Variants in SCAF4 observed in about 807,000 individuals in gnomAD.
The protein encoded by SCAF4 is SR-related and CTD-associated factor 4.
Under a neutral mutation model 129.8 loss-of-function variants are expected in SCAF4, and 25 were observed. The ratio of observed to expected loss-of-function variants is 0.19; its 90% CI spans 0.14 to 0.27. The LOEUF is 0.27. Among genes scored for constraint, SCAF4 ranks in the 10% least tolerant of loss-of-function variants. The pLI is 1.00. For synonymous variants in SCAF4, 551 were observed against 497.7 expected (o/e 1.11, Z -1.43); for missense variants, 1,246 against 1,457.1 (o/e 0.86, Z 2.36).
At chr21:31,689,798 G>A (rs916117856) in intron 15 of SCAF4, among the ~76,000 whole-genome samples, 4 of 151,774 alleles carry the variant, frequency 2.6e-5, no homozygotes, top group South Asian at 2.1e-4. Context: ...AGCATGGCAC[G>A]GTGGCACGCG....
intron 1 of SCAF4, among the ~76,000 whole-genome samples, chr21:31,722,908 G>C (rs2051105271): frequency 6.6e-6 from 1 of 152,112 alleles, no homozygotes; most frequent in Non-Finnish European, 1.5e-5. Context: ...AGCTGCGATT[G>C]CGCCACTGTA....
chr21:31,725,543 A>AT (rs1005108175), intron 1 of SCAF4, among the ~76,000 whole-genome samples: 24 of 152,084 alleles, frequency 1.6e-4, no homozygotes, highest in African/African-American at 4.1e-4. Flanking sequence ...AAGTACTCGC[A>AT]TTTTTTTTCT....
rs142149192 is a variant in SCAF4, at chr21:31,692,382, G to A, written c.1581C>T (p.Leu527=). The A allele has an allele frequency of 5.6e-6, 9 of 1,613,832 alleles. No individual in the cohort carries two copies. The African/African-American group carries it at 1.1e-4, about 19-fold the overall frequency. Residue 527 remains leucine (L), a synonymous_variant, in exon 13 of 20, where the codon CTC becomes CTT. Coordinates refer to ENST00000286835, the MANE Select transcript of SCAF4 (RefSeq NM_020706.2). ...ATTCAATTGGACCAAACTCTTCCAA[G>A]AGACTGGCAACATCCTGCTGAGTAG... ...KRTTQQDVAS[L]LEEFGPIESI... is the part of the protein sequence containing the mutation.
At position 31,688,345 on chromosome 21, in the gene SCAF4, T is replaced by C; in HGVS notation, c.2005A>G (p.Ile669Val). The change falls in exon 16 of 20, where the codon ATT becomes GTT. Residue 669 changes from isoleucine to valine, a missense_variant. Physicochemically the swap from Ile to Val is conservative, Grantham distance 29 (BLOSUM62 3). This residue lies in a region of SCAF4 where 468 missense variants were observed against 605.5 expected (regional missense o/e 0.77). Coordinates refer to ENST00000286835, the MANE Select transcript of SCAF4 (RefSeq NM_020706.2). ...ACTGTTATAGGTGCAGGAACAGGAA[T>C]AGGAGGGACAGGCACAGGTAATGGT... ...PKPLPVPVPPIPVPAPITVPP... is the reference protein window; with the variant it reads ...PKPLPVPVPPVPVPAPITVPP... The C allele has an allele frequency of 1.2e-6, 2 of 1,613,450 alleles. No individual in the cohort carries two copies. The highest frequency in any genetic ancestry group is 2.2e-5 in the South Asian group (2 of 91,066).
intron 4 of SCAF4, among the ~76,000 whole-genome samples, chr21:31,702,611 A>G (rs73201526): frequency 0.033 from 5,093 of 152,250 alleles, 128 homozygotes; most frequent in Non-Finnish European, 0.047. Flanking sequence ...CCAGACAATA[A>G]AAAGAAATTT....
Position 31,700,967 on chromosome 21 carries a change from T to G in SCAF4, c.777+28A>C, listed in dbSNP as rs753974694. On this transcript the variant is annotated intron_variant, in intron 7 of 19. Transcript: ENST00000286835. ...AACTCAAGTTGAGTGATATAAATGGTGGGGTGGGTTATGTGAGAGAAATAT... is the reference window on the plus strand; with the variant it reads ...AACTCAAGTTGAGTGATATAAATGGGGGGGTGGGTTATGTGAGAGAAATAT... 7 of 1,604,258 alleles carry G rather than the reference T, an allele frequency of 4.4e-6. No individual in the cohort carries two copies. In the African/African-American group the frequency reaches 9.4e-5, roughly 21 times the overall value.
intron 1 of SCAF4, among the ~76,000 whole-genome samples, chr21:31,722,190 T>A (rs2051086597): frequency 6.6e-6 from 1 of 152,198 alleles, no homozygotes; most frequent in African/African-American, 2.4e-5. Context: ...GCAATCCATC[T>A]TAATTGGAAG....
intron 19 of SCAF4, chr21:31,684,360 T>C (rs971492689): frequency 6.6e-6 from 1 of 152,290 alleles, no homozygotes; most frequent in Non-Finnish European, 1.5e-5. Flanking sequence ...TGTGATGTAT[T>C]TATTCATAAC....
chr21:31,722,325 G>T (rs571085912), intron 1 of SCAF4, among the ~76,000 whole-genome samples: 7 of 152,186 alleles, frequency 4.6e-5, no homozygotes, highest in African/African-American at 1.7e-4. Context: ...GGCTCAGCAT[G>T]ACTCCAATCC....
chr21:31,691,691 A>G (rs2050263188), intron 14 of SCAF4, 126 bp downstream of exon 14: 1 of 378,070 alleles, frequency 2.6e-6, no homozygotes, highest in African/African-American at 2.1e-5. Flanking sequence ...AAAAAAAAAA[A>G]GATGCACATG....
chr21:31,690,634 C>A (rs1427532928), intron 15 of SCAF4, among the ~76,000 whole-genome samples, 163 bp downstream of exon 15: 1 of 152,194 alleles, frequency 6.6e-6, no homozygotes, highest in South Asian at 2.1e-4. Context: ...TCTTTTGTCT[C>A]ATTCACTATT....
intron 19 of SCAF4, among the ~76,000 whole-genome samples, chr21:31,678,632 T>C (rs1302588467): frequency 6.6e-6 from 1 of 152,128 alleles, no homozygotes; most frequent in Non-Finnish European, 1.5e-5. Context: ...GCCACTTTCT[T>C]CCCTTTGCTC....
chr21:31,699,300 C>A (rs374261096), intron 7 of SCAF4, among the ~76,000 whole-genome samples: 1 of 152,006 alleles, frequency 6.6e-6, no homozygotes, highest in African/African-American at 2.4e-5. Flanking sequence ...ATAAAAAAAA[C>A]CTTACTAGAA....
At position 31,704,382 on chromosome 21, in the gene SCAF4, G is replaced by A. The variant is rs558545713; in HGVS notation, c.160-456C>T. Reference sequence around the variant, plus strand: ...AACAAGAAGTAGTTTTTGGCTAACCGAACTGACAACAGCAGAGAAAAGCAG... The same window carrying A: ...AACAAGAAGTAGTTTTTGGCTAACCAAACTGACAACAGCAGAGAAAAGCAG... On this transcript the variant is annotated intron_variant, in intron 3 of 19. Coordinates refer to ENST00000286835, the MANE Select transcript of SCAF4 (RefSeq NM_020706.2). Among the ~76,000 whole-genome samples, 414 of 152,098 alleles carry A rather than the reference G, an allele frequency of 2.7e-3. 1 individual carries two copies. The highest frequency in any genetic ancestry group is 9.3e-3 in the African/African-American group (385 of 41,520).
At chr21:31,712,991 T>A (rs2050841314) in intron 1 of SCAF4, 2 of 369,884 alleles carry the variant, frequency 5.4e-6, no homozygotes, top group Non-Finnish European at 3.7e-6. Context: ...TTTCTCTTAA[T>A]TAAAAATCAA....
intron 1 of SCAF4, among the ~76,000 whole-genome samples, chr21:31,714,477 C>T (rs577156740): frequency 5.3e-5 from 8 of 152,192 alleles, no homozygotes; most frequent in Non-Finnish European, 7.4e-5. Flanking sequence ...ACTATGAAAA[C>T]GTCTAAATAT....
At chr21:31,682,641 T>C (rs1042247703) in intron 19 of SCAF4, among the ~76,000 whole-genome samples, 2 of 152,182 alleles carry the variant, frequency 1.3e-5, no homozygotes, top group Non-Finnish European at 1.5e-5. Flanking sequence ...TCTCCCCCTT[T>C]AGAGATGAGA....
At chr21:31,674,504 C>T (rs762876199) in intron 19 of SCAF4, among the ~76,000 whole-genome samples, 9 of 152,090 alleles carry the variant, frequency 5.9e-5, no homozygotes, top group Admixed American at 4.6e-4. Flanking sequence ...TGCCCATAGC[C>T]CCAGATGGCC....
chr21:31,685,747 TAAAA>T lies in SCAF4; in HGVS notation c.2044-18_2044-15del. The T allele has an allele frequency of 6.4e-7, 1 of 1,557,094 alleles. No individual in the cohort carries two copies. Among genetic ancestry groups the T allele is most frequent in the Non-Finnish European group, 8.6e-7 (1 of 1,157,034 alleles). On this transcript the variant is annotated splice_polypyrimidine_tract_variant and intron_variant, in intron 16 of 19. Coordinates refer to ENST00000286835, the MANE Select transcript of SCAF4 (RefSeq NM_020706.2). ...ATGTGGTGGGACCTAGAAAGAAAGA[TAAAA>T]GAATAAACCACCTATCTAGACACCC...
Sources: allele counts gnomAD v4.1 joint callset (sites outside exome capture counted in the v4.1 genomes callset), GRCh38; gene constraint gnomAD v4.1.1; regional missense constraint gnomAD v4.1.1; transcripts MANE v1.5; gene names NCBI Gene and HGNC (gene_info 2026-07-23, HGNC 2026-07-21).